SLC45A4: variants seen among roughly 807,000 people sequenced by gnomAD.
The protein encoded by SLC45A4 is solute carrier family 45 member 4.
In SLC45A4, 32 loss-of-function variants were observed where a neutral mutation model predicts 63.7. That is an observed-to-expected ratio of 0.50 (90% CI 0.38 to 0.67). The LOEUF is 0.67. Ranked by LOEUF, SLC45A4 falls within the 30% of genes least tolerant of loss-of-function variation. The pLI, the probability that SLC45A4 is intolerant of heterozygous loss-of-function variation, is 0.00. For synonymous variants in SLC45A4, 535 were observed against 510.0 expected, an observed-to-expected ratio of 1.05 and a Z score of -0.66; for missense variants, 1,027 against 1,157.7, an observed-to-expected ratio of 0.89 and a Z score of 1.64.
intron 1 of SLC45A4, among the ~76,000 whole-genome samples, chr8:141,302,352 C>CTCACCA (rs1830772600): frequency 6.6e-6 from 1 of 150,702 alleles, no homozygotes; most frequent in Non-Finnish European, 1.5e-5. Flanking sequence ...CTCCACGCCA[C>CTCACCA]TCACCATCAC....
rs543570601 is a variant in SLC45A4, at chr8:141,236,842, G to A, written c.242-15077C>T. On this transcript the variant is annotated intron_variant, in intron 2 of 8. Coordinates refer to ENST00000517878, the MANE Select transcript of SLC45A4 (RefSeq NM_001286646.2). ...GCCCTTCCTCAGAGAGCCACTGGGC[G>A]GTGCCCAGTGGATGAGGGCGCGGAG... is the stretch of plus-strand genomic sequence containing the variant. Among the ~76,000 whole-genome samples, 15 of 152,306 alleles carry A rather than the reference G, an allele frequency of 9.8e-5. No homozygotes were observed. In the East Asian group the frequency reaches 1.9e-3, roughly 20 times the overall value.
At chr8:141,245,322 C>T (rs1043093011) in intron 2 of SLC45A4, among the ~76,000 whole-genome samples, 7 of 152,122 alleles carry the variant, frequency 4.6e-5, no homozygotes, top group East Asian at 1.9e-4. Context: ...CCACCACCAC[C>T]GTTTCGAGGA....
chr8:141,277,446 G>C (rs1829770222), intron 1 of SLC45A4, among the ~76,000 whole-genome samples: 1 of 152,160 alleles, frequency 6.6e-6, no homozygotes, highest in Admixed American at 6.5e-5. Context: ...GGACACAATG[G>C]AGTCCTCAAA....
chr8:141,231,465 C>A (rs577451606), intron 2 of SLC45A4, among the ~76,000 whole-genome samples: 15 of 152,352 alleles, frequency 9.8e-5, no homozygotes, highest in African/African-American at 2.4e-4. Context: ...AAGGTCACCA[C>A]TGGATGAAGA....
chr8:141,232,380 C>T (rs1827399649), intron 2 of SLC45A4, among the ~76,000 whole-genome samples: 1 of 152,258 alleles, frequency 6.6e-6, no homozygotes, highest in African/African-American at 2.4e-5. Context: ...AATCCAGCTG[C>T]CACCCTTATA....
At chr8:141,263,780 A>AAT (rs1829142800) in intron 1 of SLC45A4, among the ~76,000 whole-genome samples, 1 of 145,784 alleles carries the variant, frequency 6.9e-6, no homozygotes, top group Non-Finnish European at 1.5e-5. Flanking sequence ...AAAAAAAAAA[A>AAT]AAATAAAAAT....
At chr8:141,241,891 A>G (rs957949785) in intron 2 of SLC45A4, among the ~76,000 whole-genome samples, 2 of 152,256 alleles carry the variant, frequency 1.3e-5, no homozygotes, top group Admixed American at 6.5e-5. Flanking sequence ...AAGTGGGGGC[A>G]GGGCCATTCC....
intron 1 of SLC45A4, among the ~76,000 whole-genome samples, chr8:141,259,135 G>T (rs1828940987): frequency 6.6e-6 from 1 of 152,176 alleles, no homozygotes; most frequent in African/African-American, 2.4e-5. Context: ...GTGTAAAGTT[G>T]GCCTTCCAAA....
chr8:141,230,830 G>C (rs1349220862), intron 2 of SLC45A4, among the ~76,000 whole-genome samples: 7 of 152,242 alleles, frequency 4.6e-5, no homozygotes, highest in Non-Finnish European at 7.3e-5. Flanking sequence ...GGCGTGGTGA[G>C]TGCATTCTGC....
intron 1 of SLC45A4, among the ~76,000 whole-genome samples, chr8:141,274,750 A>G (rs908484760): frequency 1.3e-5 from 2 of 152,178 alleles, no homozygotes; most frequent in African/African-American, 4.8e-5. Flanking sequence ...GGTCACCTCT[A>G]CTACTTGCTG....
intron 1 of SLC45A4, among the ~76,000 whole-genome samples, chr8:141,290,133 G>A (rs540080145): frequency 1.3e-5 from 2 of 151,744 alleles, no homozygotes; most frequent in African/African-American, 2.4e-5. Context: ...ATATATACAC[G>A]TATGTATGTA....
In SLC45A4 at chr8:141,227,563, C is replaced by T. The variant is rs1371923794; in HGVS notation, c.242-5798G>A. Reference sequence around the variant, plus strand: ...TTAAGTCAAGGAACACTGTCAGGAGCCACTTCTGAAGGGCCCCAGACAGGA... The same window carrying T: ...TTAAGTCAAGGAACACTGTCAGGAGTCACTTCTGAAGGGCCCCAGACAGGA... On this transcript the variant is annotated intron_variant, in intron 2 of 8. Coordinates refer to ENST00000517878, the MANE Select transcript of SLC45A4 (RefSeq NM_001286646.2). This position sits in a 1 kb window ranked among gnomAD's most constrained non-coding sequence, Gnocchi z 4.4. Among the ~76,000 whole-genome samples the T allele has an allele frequency of 6.6e-6, 1 of 152,174 alleles. No individual in the cohort carries two copies. The highest frequency in any genetic ancestry group is 1.5e-5 in the Non-Finnish European group (1 of 68,022).
chr8:141,231,324 C>T (rs966020470), intron 2 of SLC45A4, among the ~76,000 whole-genome samples: 1 of 152,192 alleles, frequency 6.6e-6, no homozygotes, highest in African/African-American at 2.4e-5. Flanking sequence ...TGGGCTGGGA[C>T]ACGCAGGTCC....
intron 2 of SLC45A4, chr8:141,224,567 CA>C (rs1469243001): frequency 6.6e-6 from 1 of 152,296 alleles, no homozygotes; most frequent in Non-Finnish European, 1.5e-5. Flanking sequence ...TCTTGTGCCT[CA>C]GCCTCTCGAG....
intron 1 of SLC45A4, among the ~76,000 whole-genome samples, chr8:141,275,557 C>T (rs1352156724): frequency 6.6e-6 from 1 of 151,630 alleles, no homozygotes; most frequent in Admixed American, 6.6e-5. Flanking sequence ...ATGACTCCAC[C>T]TGTGAATAGG....
Position 141,258,907 on chromosome 8 carries a change from AC to A in SLC45A4, c.-400-4279del, listed in dbSNP as rs1455529431. On this transcript the variant is annotated intron_variant, in intron 1 of 8. Coordinates refer to ENST00000517878, the MANE Select transcript of SLC45A4 (RefSeq NM_001286646.2). ...CCTCTTTTTTTTAAAAAAAAAAAAA[AC>A]AGACTCTAAAACAAGATGTCTTTTT... 1.2e-4 allele frequency among the ~76,000 whole-genome samples: 18 copies of A among 151,350 alleles called. No individual in the cohort carries two copies. In the East Asian group the frequency reaches 3.5e-3, roughly 29 times the overall value.
chr8:141,213,623 A>G (rs1825965360), intron 7 of SLC45A4, among the ~76,000 whole-genome samples: 2 of 152,270 alleles, frequency 1.3e-5, no homozygotes, highest in Admixed American at 1.3e-4. Context: ...TGGAAATCAG[A>G]CTAAGAAATG....
chr8:141,216,748 C>T (rs1826178332), intron 6 of SLC45A4, among the ~76,000 whole-genome samples: 1 of 152,188 alleles, frequency 6.6e-6, no homozygotes, highest in African/African-American at 2.4e-5. Flanking sequence ...CTCCACTGCT[C>T]TGATCATCAG....
chr8:141,224,095 T>C (rs186760359), intron 2 of SLC45A4, among the ~76,000 whole-genome samples: 1 of 151,960 alleles, frequency 6.6e-6, no homozygotes, highest in Non-Finnish European at 1.5e-5. Flanking sequence ...ACACTTACAC[T>C]CTTGAAGAAT....
Sources: gnomAD v4.1 joint callset for allele counts (sites outside exome capture counted in the v4.1 genomes callset) on GRCh38, gnomAD v4.1.1 for gene constraint, Gnocchi (gnomAD v3.1) non-coding constraint, MANE v1.5 for transcripts, NCBI Gene and HGNC (gene_info 2026-07-23, HGNC 2026-07-21) for gene names.